Variants in STK11IP observed in about 807,000 individuals in gnomAD.
STK11IP encodes the protein serine/threonine-protein kinase 11-interacting protein.
STK11IP carries 103 observed loss-of-function variants against 131.7 expected under a neutral mutation model. That is an observed-to-expected ratio of 0.78 (90% CI 0.67 to 0.92). The LOEUF (loss-of-function observed/expected upper bound fraction) is 0.92, where lower values mean the gene tolerates loss of function less well. Among genes scored for constraint, STK11IP ranks in the 40% least tolerant of loss-of-function variants. The pLI is 0.00. For missense variants in STK11IP, 1,315 were observed against 1,385.7 expected (o/e 0.95, Z 0.81); for synonymous variants, 557 against 575.6 (o/e 0.97, Z 0.46).
rs761539646 is a variant in STK11IP, at chr2:219,609,394, A to G, written c.1958A>G (p.Asn653Ser). ...ELLAVLTPVTNVAREQLGEAR... is the reference protein window; with the variant it reads ...ELLAVLTPVTSVAREQLGEAR... ...CTTGCCGTGTTGACCCCAGTCACCA[A>G]TGTGGCTCGGGAACAGCTTGGGGAG... The change falls in exon 17 of 25, where the codon AAT (asparagine) becomes AGT (serine). Residue 653 changes from asparagine (N) to serine (S), a missense_variant. Transcript: ENST00000456909. 5.1e-5 allele frequency: 83 copies of G among 1,613,670 alleles called. No individual in the cohort carries two copies. Among genetic ancestry groups the G allele is most frequent in the East Asian group, 3.3e-4 (15 of 44,888 alleles).
At chr2:219,606,984 A>G (rs1698188913) in intron 12 of STK11IP, 69 bp from the exon 13 acceptor site, 1 of 1,606,082 alleles carries the variant, frequency 6.2e-7, no homozygotes, top group East Asian at 2.2e-5. Context: ...GATAGGTTGG[A>G]TGGCCAGCCG....
Position 219,613,789 on chromosome 2 carries a change from G to T in STK11IP, c.2575G>T (p.Val859Phe). The T allele has an allele frequency of 6.2e-7, 1 of 1,612,394 alleles. No individual in the cohort carries two copies. Among genetic ancestry groups the T allele is most frequent in the Non-Finnish European group, 8.5e-7 (1 of 1,179,664 alleles). The change falls in exon 21 of 25, where the codon GTT (valine) becomes TTT (phenylalanine). Residue 859 changes from valine (V) to phenylalanine (F), a missense_variant. Transcript: ENST00000456909. ...PASWLQLTLA[V>F]PLQDLSGIEL... ...TAGCTGGCTGCAGCTGACCCTGGCT[G>T]TTCCCCTGCAGGATCTGAGTGGCAT... is the stretch of plus-strand genomic sequence containing the variant.
chr2:219,611,579 G>A, intron 17 of STK11IP, 25 bp from the exon 18 acceptor site: 1 of 1,583,976 alleles, frequency 6.3e-7, no homozygotes, highest in Non-Finnish European at 8.7e-7. Flanking sequence ...GGGGCTCATG[G>A]GGACCGTGTC....
In STK11IP at chr2:219,608,750, G is replaced by C. The variant is rs1218565772; in HGVS notation, c.1771G>C (p.Glu591Gln). ...ELQSLEAAEI[E>Q]PEAQAQRSPR... ...CCAGAGTCTGGAGGCAGCTGAGATAGAGCCGGAGGCCCAGGCCCAGAGGTC... is the reference window on the plus strand; with the variant it reads ...CCAGAGTCTGGAGGCAGCTGAGATACAGCCGGAGGCCCAGGCCCAGAGGTC... The change falls in exon 15 of 25, where the codon GAG becomes CAG. Residue 591 changes from glutamate to glutamine, a missense_variant. Glu to Gln is a conservative substitution (Grantham distance 29). Coordinates refer to ENST00000456909, the MANE Select transcript of STK11IP (RefSeq NM_052902.4). 1 of 1,611,408 alleles carries C rather than the reference G, an allele frequency of 6.2e-7. No individual in the cohort carries two copies. The highest frequency in any genetic ancestry group is 8.5e-7 in the Non-Finnish European group (1 of 1,179,136).
rs1359088977 is a variant in STK11IP at position 219,606,874 on chromosome 2, C to T, written c.1134+16C>T. The T allele has an allele frequency of 1.7e-5, 28 of 1,601,816 alleles. No individual in the cohort carries two copies. The Admixed American group carries it at 2.0e-4, about 12-fold the overall frequency. On this transcript the variant is annotated intron_variant, in intron 12 of 24. Transcript: ENST00000456909. The stretch of plus-strand genomic sequence containing the variant: ...TAAGGTTAAGGTAAGCAGCGTCCTC[C>T]GCTGCCTTGTGCCTGCGGTTGGGTG...
intron 14 of STK11IP, 35 bp downstream of exon 14, chr2:219,608,465 AG>A: frequency 4.6e-6 from 7 of 1,535,128 alleles, no homozygotes; most frequent in Non-Finnish European, 6.1e-6. Context: ...AGCTGAGGCC[AG>A]GGGCCCTTGG....
Position 219,597,896 on chromosome 2 carries a change from T to C in STK11IP, c.-54T>C, listed in dbSNP as rs934729795. 1.2e-6 allele frequency: 2 copies of C among 1,610,600 alleles called. No homozygotes were observed. The highest frequency in any genetic ancestry group is 2.7e-5 in the African/African-American group (2 of 74,802). On this transcript the variant is annotated 5_prime_UTR_variant, in exon 1 of 25. Coordinates refer to ENST00000456909, the MANE Select transcript of STK11IP (RefSeq NM_052902.4). Reference sequence around the variant, plus strand: ...ATTGATAGGCGCCGGGCAGCTGAGCTGGTAGGAGGACCAGACGGGGAGGTT... The same window carrying C: ...ATTGATAGGCGCCGGGCAGCTGAGCCGGTAGGAGGACCAGACGGGGAGGTT...
Position 219,613,233 on chromosome 2 carries a change from A to T in STK11IP, c.2537+8A>T. ...GGTGACTGGGGAGATGCGGTGAGTG[A>T]GAGGGGAGATGCAGTGAGTAAGGGG... On this transcript the variant is annotated splice_region_variant and intron_variant, in intron 20 of 24. Transcript: ENST00000456909. 6.8e-7 allele frequency: 1 copy of T among 1,475,076 alleles called. No individual in the cohort carries two copies. The highest frequency in any genetic ancestry group is 9.2e-7 in the Non-Finnish European group (1 of 1,088,460). 91.4% of individuals were successfully genotyped at this position (1,475,076 alleles called of 1,614,324 possible). A position where few individuals can be genotyped will look rare whatever the true frequency, so the allele number is the denominator to read the frequency against.
At chr2:219,602,191 T>A in intron 5 of STK11IP, 108 bp downstream of exon 5, 1 of 830,696 alleles carries the variant, frequency 1.2e-6, no homozygotes, top group African/African-American at 1.7e-5. Context: ...TGCTTCCCTC[T>A]AGACAGTGTC....
intron 7 of STK11IP, chr2:219,605,403 A>G (rs1047276189): frequency 2.4e-5 from 12 of 509,830 alleles, no homozygotes; most frequent in Non-Finnish European, 3.8e-5. Context: ...TGCCATGCTC[A>G]GGGTGTGGCC....
Position 219,611,947 on chromosome 2 carries a change from G to T in STK11IP, c.2336-8G>T. 6.3e-7 allele frequency: 1 copy of T among 1,587,208 alleles called. No homozygotes were observed. On this transcript the variant is annotated splice_region_variant and splice_polypyrimidine_tract_variant and intron_variant, in intron 18 of 24. Transcript: ENST00000456909. ...ATGGGCAGGCTGATGCCCCCTCATTGCCCTCAGCCCCTGAGCGCTGTGGCC... is the reference window on the plus strand; with the variant it reads ...ATGGGCAGGCTGATGCCCCCTCATTTCCCTCAGCCCCTGAGCGCTGTGGCC...
rs771393392 is a variant in STK11IP, at chr2:219,611,740, C to G, written c.2241C>G (p.His747Gln). ...APSPSASPVC[H>Q]PPGHGDHLDR... ...CTCCGTCTGCCAGCCCTGTCTGCCACCCTCCTGGCCATGGTGACCACCTTG... is the reference window on the plus strand; with the variant it reads ...CTCCGTCTGCCAGCCCTGTCTGCCAGCCTCCTGGCCATGGTGACCACCTTG... Residue 747 changes from histidine (H) to glutamine (Q), a missense_variant, in exon 18 of 25, where the codon CAC (histidine) becomes CAG (glutamine). Physicochemically the swap from His to Gln is conservative, Grantham distance 24 (BLOSUM62 0). Coordinates refer to ENST00000456909, the MANE Select transcript of STK11IP (RefSeq NM_052902.4). 6.0e-5 allele frequency: 97 copies of G among 1,612,942 alleles called. 2 individuals carry two copies. The South Asian group carries it at 1.0e-3, about 17-fold the overall frequency.
chr2:219,600,653 T>C (rs528031537), intron 2 of STK11IP, among the ~76,000 whole-genome samples: 1 of 152,352 alleles, frequency 6.6e-6, no homozygotes, highest in East Asian at 1.9e-4. Flanking sequence ...AGAGCAGTTT[T>C]AACAGACAGC....
chr2:219,601,929 G>T, intron 4 of STK11IP, 59 bp from the exon 5 acceptor site: 1 of 1,456,842 alleles, frequency 6.9e-7, no homozygotes, highest in South Asian at 1.2e-5. Context: ...AGGGGATGGG[G>T]ATGAGGTCTT....
intron 3 of STK11IP, 28 bp from the exon 4 acceptor site, chr2:219,601,613 G>T (rs760526367): frequency 4.6e-6 from 7 of 1,518,402 alleles, no homozygotes; most frequent in Non-Finnish European, 6.2e-6. Flanking sequence ...CTGTGCCTCA[G>T]TAAATTGAGT....
At chr2:219,613,366 GT>G in intron 20 of STK11IP, 141 bp downstream of exon 20, 1 of 46,316 alleles carries the variant, frequency 2.2e-5, no homozygotes, top group Non-Finnish European at 3.8e-5. Context: ...GGGAGATGGG[GT>G]GAGTGAGGGG....
At chr2:219,610,321 T>C (rs1698352643) in intron 17 of STK11IP, among the ~76,000 whole-genome samples, 1 of 152,166 alleles carries the variant, frequency 6.6e-6, no homozygotes, top group Non-Finnish European at 1.5e-5. Context: ...CTGTACACCA[T>C]GAGGTGCTGT....
At chr2:219,613,085 C>T in intron 19 of STK11IP, 43 bp from the exon 20 acceptor site, 3 of 1,554,482 alleles carry the variant, frequency 1.9e-6, no homozygotes, top group Non-Finnish European at 2.6e-6. Flanking sequence ...CCCACCTCCC[C>T]AGGCCTCTCA....
intron 23 of STK11IP, 24 bp downstream of exon 23, chr2:219,614,570 C>G: frequency 1.2e-6 from 2 of 1,612,726 alleles, no homozygotes; most frequent in Non-Finnish European, 8.5e-7. Flanking sequence ...GCAGCTGATG[C>G]TTCCCTGGTC....
Sources: gnomAD v4.1 joint callset for allele counts (sites outside exome capture counted in the v4.1 genomes callset) on GRCh38, gnomAD v4.1.1 for gene constraint, MANE v1.5 for transcripts, NCBI Gene and HGNC (gene_info 2026-07-23, HGNC 2026-07-21) for gene names.